WDR82: variants seen among roughly 807,000 people sequenced by gnomAD.
The protein encoded by WDR82 is WD repeat-containing protein 82.
In WDR82, 8 loss-of-function variants were observed where a neutral mutation model predicts 36.1. That is an observed-to-expected ratio of 0.22 (90% CI 0.13 to 0.40). WDR82 has a LOEUF of 0.40. Ranked by LOEUF, WDR82 falls within the 10% of genes least tolerant of loss-of-function variation. WDR82 has a pLI of 1.00. For missense variants in WDR82, 185 were observed against 400.5 expected, an observed-to-expected ratio of 0.46 and a Z score of 4.59; for synonymous variants, 129 against 137.8, an observed-to-expected ratio of 0.94 and a Z score of 0.45.
rs1261777733 is a variant in WDR82, at chr3:52,259,258, G to A, written c.708C>T (p.Ala236=). 6.2e-7 allele frequency: 1 copy of A among 1,614,164 alleles called. No individual in the cohort carries two copies. The highest frequency in any genetic ancestry group is 8.5e-7 in the Non-Finnish European group (1 of 1,180,002). Reference sequence around the variant, plus strand: ...CCTCCAGTGTGACAGCTTTGCTGTTGGCATAACCCTAAAACAAAACAGAGC... The same window carrying A: ...CCTCCAGTGTGACAGCTTTGCTGTTAGCATAACCCTAAAACAAAACAGAGC... ...GVVMHTFGGY[A]NSKAVTLEAS... The change falls in exon 7 of 9, where the codon GCC becomes GCT. Residue 236 remains alanine, a synonymous_variant. Coordinates refer to ENST00000296490, the MANE Select transcript of WDR82 (RefSeq NM_025222.4).
chr3:52,278,113 G>A (rs1700224084), intron 1 of WDR82, 88 bp downstream of exon 1: 9 of 1,358,122 alleles, frequency 6.6e-6, no homozygotes, highest in Non-Finnish European at 8.7e-6. Context: ...GGGGGCTGAA[G>A]TCGGGACGGA....
chr3:52,260,251 C>A (rs1700049642), intron 5 of WDR82, 134 bp downstream of exon 5: 4 of 586,426 alleles, frequency 6.8e-6, no homozygotes, highest in Non-Finnish European at 1.1e-5. Flanking sequence ...ATCACTTGAA[C>A]CTGGGAGGCA....
At chr3:52,264,854 AATCATGGC>A (rs1700091683) in intron 3 of WDR82, among the ~76,000 whole-genome samples, 1 of 152,032 alleles carries the variant, frequency 6.6e-6, no homozygotes, top group African/African-American at 2.4e-5. Flanking sequence ...ACAGTGGCAC[AATCATGGC>A]TCACTGCAGC....
intron 3 of WDR82, among the ~76,000 whole-genome samples, chr3:52,266,461 G>A (rs1347685328): frequency 6.6e-6 from 1 of 151,606 alleles, no homozygotes; most frequent in African/African-American, 2.4e-5. Context: ...TCTTTGAGAC[G>A]GAGTCTCACT....
intron 5 of WDR82, 80 bp from the exon 6 acceptor site, chr3:52,259,952 G>C: frequency 6.7e-7 from 1 of 1,484,794 alleles, no homozygotes; most frequent in South Asian, 1.3e-5. Context: ...TATTCCTTTA[G>C]ATTACTTTTT....
intron 1 of WDR82, among the ~76,000 whole-genome samples, chr3:52,277,033 G>C (rs943812299): frequency 6.8e-6 from 1 of 147,664 alleles, no homozygotes; most frequent in Non-Finnish European, 1.5e-5. Flanking sequence ...AAAAGGAACA[G>C]CTGGAGAAGG....
In WDR82 at chr3:52,259,176, AG is replaced by A; in HGVS notation, c.769+20del. The A allele has an allele frequency of 6.2e-7, 1 of 1,606,506 alleles. No homozygotes were observed. Among genetic ancestry groups the A allele is most frequent in the Non-Finnish European group, 8.5e-7 (1 of 1,173,610 alleles). On this transcript the variant is annotated intron_variant, in intron 7 of 8. Transcript: ENST00000296490. ...ATAGTACCAGAGAAATAACCCCCAC[AG>A]GGGATAAAAGGAAACTCACCAATCA...
At chr3:52,273,072 C>T (rs1700168739) in intron 1 of WDR82, among the ~76,000 whole-genome samples, 1 of 152,214 alleles carries the variant, frequency 6.6e-6, no homozygotes, top group Non-Finnish European at 1.5e-5. Context: ...TTACTCTCTA[C>T]ATAGTTGACT....
intron 3 of WDR82, among the ~76,000 whole-genome samples, chr3:52,264,709 G>A (rs1700090186): frequency 6.6e-6 from 1 of 152,124 alleles, no homozygotes; most frequent in Non-Finnish European, 1.5e-5. Context: ...AGGAAGGTCT[G>A]TTTTGTGAAA....
chr3:52,271,890 T>TC (rs1184484019), intron 1 of WDR82, among the ~76,000 whole-genome samples: 1 of 152,092 alleles, frequency 6.6e-6, no homozygotes, highest in African/African-American at 2.4e-5. Context: ...AGTCAGAAGT[T>TC]CGAGAGCAGC....
chr3:52,263,811 G>A (rs1245740373), intron 3 of WDR82, among the ~76,000 whole-genome samples: 2 of 152,208 alleles, frequency 1.3e-5, no homozygotes, highest in Non-Finnish European at 2.9e-5. Context: ...ACAGAGTACT[G>A]GACCTGAGTA....
At chr3:52,267,239 G>T in intron 2 of WDR82, 1 of 368,562 alleles carries the variant, frequency 2.7e-6, no homozygotes, top group African/African-American at 2.2e-5. Flanking sequence ...AGCATAGAAA[G>T]CAATGTTTGA....
chr3:52,267,053 A>G (rs1700112288), intron 2 of WDR82, 35 bp from the exon 3 acceptor site: 1 of 1,528,960 alleles, frequency 6.5e-7, no homozygotes, highest in African/African-American at 1.4e-5. Flanking sequence ...ATGATATCAT[A>G]CTATTTAAAA....
intron 2 of WDR82, chr3:52,268,393 G>A (rs2107338026): frequency 2.1e-6 from 1 of 471,042 alleles, no homozygotes; most frequent in South Asian, 1.6e-5. Flanking sequence ...GAGCGCTGGA[G>A]GAACTCTTCA....
chr3:52,275,146 G>A (rs764794317), intron 1 of WDR82, among the ~76,000 whole-genome samples: 69 of 151,978 alleles, frequency 4.5e-4, no homozygotes, highest in Non-Finnish European at 6.9e-4. Context: ...GCTTGAACTC[G>A]GGAGGCGGAG....
intron 4 of WDR82, 115 bp from the exon 5 acceptor site, chr3:52,260,616 T>C: frequency 1.8e-6 from 1 of 563,786 alleles, no homozygotes; most frequent in South Asian, 4.3e-5. Context: ...ACCTTACCAC[T>C]ATATAATTTA....
chr3:52,259,175 C>A (rs1357946587), intron 7 of WDR82, 22 bp downstream of exon 7: 1 of 1,606,508 alleles, frequency 6.2e-7, no homozygotes, highest in African/African-American at 1.3e-5. Context: ...ATAACCCCCA[C>A]AGGGGATAAA....
intron 4 of WDR82, among the ~76,000 whole-genome samples, chr3:52,261,112 C>T (rs1346600312): frequency 3.3e-5 from 5 of 152,066 alleles, no homozygotes; most frequent in South Asian, 2.1e-4. Context: ...GCAACAAGAG[C>T]GAAACCCTGT....
In WDR82 at chr3:52,256,790, CCT is replaced by C. The variant is rs921336432; in HGVS notation, c.*698_*699del. Reference sequence around the variant, plus strand: ...ACCTGCTACCCTCCCGCTACCCTCCCCTTTCCCTCCCTTTCAGGCCCTTGGGT... The same window carrying C: ...ACCTGCTACCCTCCCGCTACCCTCCCTTCCCTCCCTTTCAGGCCCTTGGGT... On this transcript the variant is annotated 3_prime_UTR_variant, in exon 9 of 9. Coordinates refer to ENST00000296490, the MANE Select transcript of WDR82 (RefSeq NM_025222.4). 2 of 153,134 alleles carry C rather than the reference CCT, an allele frequency of 1.3e-5. No homozygotes were observed. The highest frequency in any genetic ancestry group is 2.9e-5 in the Non-Finnish European group (2 of 68,150). 9.5% of individuals were successfully genotyped at this position (153,134 alleles called of 1,614,324 possible).
Sources: gnomAD v4.1 joint callset for allele counts (sites outside exome capture counted in the v4.1 genomes callset) on GRCh38, gnomAD v4.1.1 for gene constraint, MANE v1.5 for transcripts, NCBI Gene and HGNC (gene_info 2026-07-23, HGNC 2026-07-21) for gene names.